The following BLID variants were observed in gnomAD, a reference collection of about 807,000 sequenced individuals.
BLID encodes BH3-like motif-containing cell death inducer.
For synonymous variants in BLID, 47 were observed against 49.6 expected (o/e 0.95, Z 0.22); for missense variants, 136 against 127.9 (o/e 1.06, Z -0.31).
In BLID at chr11:122,115,743, A is replaced by G; in HGVS notation, c.180T>C (p.Pro60=). ...LLGSNKEPML[P]KETVLSLKRY... is the part of the protein sequence containing the mutation. ...TTTTAAGAGAAAGCACTGTTTCCTT[A>G]GGCAACATAGGTTCTTTGTTGGAAC... Residue 60 remains proline (P), a synonymous_variant, in exon 1 of 1, where the codon CCT becomes CCC. Transcript: ENST00000560104. 2 of 1,614,204 alleles carry G rather than the reference A, an allele frequency of 1.2e-6. No homozygotes were observed. Among genetic ancestry groups the G allele is most frequent in the Middle Eastern group, 3.3e-4 (2 of 6,062 alleles).
Position 122,115,421 on chromosome 11 carries a change from A to ATTG in BLID, c.*172_*174dup. 5.5e-6 allele frequency: 3 copies of ATTG among 543,078 alleles called. No individual in the cohort carries two copies. Among genetic ancestry groups the ATTG allele is most frequent in the Non-Finnish European group, 9.8e-6 (3 of 306,810 alleles). 33.6% of individuals were successfully genotyped at this position (543,078 alleles called of 1,614,324 possible). On this transcript the variant is annotated 3_prime_UTR_variant, in exon 1 of 1. Coordinates refer to ENST00000560104, the MANE Select transcript of BLID (RefSeq NM_001001786.3). ...CCAGTTTATCCTTTTTAAAAATTTT[A>ATTG]TTGTTTCTCTGCACAATTTGAACCA...
Position 122,115,350 on chromosome 11 carries a change from A to C in BLID, c.*246T>G, listed in dbSNP as rs552761816. Reference sequence around the variant, plus strand: ...TCACATAGCTTTTTGTTTTTTCATGAATTTGCAAGATTTGTTTTAATTAAA... The same window carrying C: ...TCACATAGCTTTTTGTTTTTTCATGCATTTGCAAGATTTGTTTTAATTAAA... On this transcript the variant is annotated 3_prime_UTR_variant, in exon 1 of 1. Transcript: ENST00000560104. 1.3e-5 allele frequency: 6 copies of C among 450,228 alleles called. No individual in the cohort carries two copies. The highest frequency in any genetic ancestry group is 5.8e-4 in the Middle Eastern group (1 of 1,716). The allele number at this position is 450,228 out of a possible 1,614,324, so 27.9% of individuals were successfully genotyped here.
Position 122,115,687 on chromosome 11 carries a change from C to T in BLID, c.236G>A (p.Arg79Gln), listed in dbSNP as rs559569234. The T allele has an allele frequency of 5.6e-6, 9 of 1,613,886 alleles. No individual in the cohort carries two copies. Among genetic ancestry groups the T allele is most frequent in the Admixed American group, 5.0e-5 (3 of 60,024 alleles). The stretch of plus-strand genomic sequence containing the variant: ...CTGAAGCACATGTCCAGGAACATTC[C>T]GCTTCATGGCAGAGGAGCCAAGATT... ...RYNLGSSAMK[R>Q]NVPGHVLQRP... is the part of the protein sequence containing the mutation. Residue 79 changes from arginine to glutamine, a missense_variant, in exon 1 of 1, where the codon CGG becomes CAG. Transcript: ENST00000560104.
At position 122,116,211 on chromosome 11, in the gene BLID, A is replaced by C; in HGVS notation, c.-289T>G. 2 of 358,950 alleles carry C rather than the reference A, an allele frequency of 5.6e-6. No homozygotes were observed. The highest frequency in any genetic ancestry group is 5.2e-6 in the Non-Finnish European group (1 of 191,980). The allele number at this position is 358,950 out of a possible 1,614,324, so 22.2% of individuals were successfully genotyped here. On this transcript the variant is annotated 5_prime_UTR_variant, in exon 1 of 1. The change abolishes an upstream ATG in the 5' untranslated region. Transcript: ENST00000560104. Reference sequence around the variant, plus strand: ...CTTCTCTCTTTTCTCCAAACACAACATCATCTGACCAAGGTTTGCATGCAT... The same window carrying C: ...CTTCTCTCTTTTCTCCAAACACAACCTCATCTGACCAAGGTTTGCATGCAT...
In BLID at chr11:122,115,838, T is replaced by G. The variant is rs141601060; in HGVS notation, c.85A>C (p.Ile29Leu). 145 of 1,613,698 alleles carry G rather than the reference T, an allele frequency of 9.0e-5. No individual in the cohort carries two copies. In the African/African-American group the frequency reaches 1.7e-3, roughly 19 times the overall value. The change falls in exon 1 of 1, where the codon ATA (isoleucine) becomes CTA (leucine). Residue 29 changes from isoleucine to leucine, a missense_variant. By Grantham distance (5) the Ile-to-Leu change is conservative (BLOSUM62 2). Coordinates refer to ENST00000560104, the MANE Select transcript of BLID (RefSeq NM_001001786.3). ...ESECVLYTGW[I>L]ERASGSSIYP... ...ATGGAACTGCCAGAGGCTCGCTCTATCCATCCTGTGTAGAGCACACACTCA... is the reference window on the plus strand; with the variant it reads ...ATGGAACTGCCAGAGGCTCGCTCTAGCCATCCTGTGTAGAGCACACACTCA...
Position 122,115,344 on chromosome 11 carries a change from T to C in BLID, c.*252A>G. On this transcript the variant is annotated 3_prime_UTR_variant, in exon 1 of 1. Transcript: ENST00000560104. ...TTACCATCACATAGCTTTTTGTTTT[T>C]TCATGAATTTGCAAGATTTGTTTTA... 2.3e-6 allele frequency: 1 copy of C among 443,350 alleles called. No individual in the cohort carries two copies. Among genetic ancestry groups the C allele is most frequent in the Non-Finnish European group, 4.0e-6 (1 of 246,958 alleles). The allele number at this position is 443,350 out of a possible 1,614,324, so 27.5% of individuals were successfully genotyped here.
Position 122,116,014 on chromosome 11 carries a change from G to T in BLID, c.-92C>A. The T allele has an allele frequency of 3.3e-6, 3 of 915,534 alleles. No homozygotes were observed. The highest frequency in any genetic ancestry group is 5.0e-6 in the Non-Finnish European group (3 of 598,264). 56.7% of individuals were successfully genotyped at this position (915,534 alleles called of 1,614,324 possible). A position where few individuals can be genotyped will look rare whatever the true frequency, so the allele number is the denominator to read the frequency against. ...ATAAGGCAGATCTCATATGGACTAT[G>T]CTTTGCATAAGCACGGTGTTAGATG... On this transcript the variant is annotated 5_prime_UTR_variant, in exon 1 of 1. Transcript: ENST00000560104.
rs1941173848 is a variant in BLID at position 122,115,396 on chromosome 11, C to T, written c.*200G>A. ...TTAAATGCCATTTACTTTTAACTAG[C>T]CAGTTTATCCTTTTTAAAAATTTTA... is the stretch of plus-strand genomic sequence containing the variant. On this transcript the variant is annotated 3_prime_UTR_variant, in exon 1 of 1. Coordinates refer to ENST00000560104, the MANE Select transcript of BLID (RefSeq NM_001001786.3). 2.0e-6 allele frequency: 1 copy of T among 512,312 alleles called. No homozygotes were observed. The highest frequency in any genetic ancestry group is 3.4e-6 in the Non-Finnish European group (1 of 289,880). The allele number at this position is 512,312 out of a possible 1,614,324, so 31.7% of individuals were successfully genotyped here.
At position 122,115,980 on chromosome 11, in the gene BLID, C is replaced by T; in HGVS notation, c.-58G>A. ...TTTAACTTCCATTCGCTTTATTCAG[C>T]AAGTTTTTATAAGGCAGATCTCATA... On this transcript the variant is annotated 5_prime_UTR_variant, in exon 1 of 1. Transcript: ENST00000560104. The T allele has an allele frequency of 7.3e-7, 1 of 1,366,428 alleles. No homozygotes were observed. The highest frequency in any genetic ancestry group is 1.0e-6 in the Non-Finnish European group (1 of 989,082). 84.6% of individuals were successfully genotyped at this position (1,366,428 alleles called of 1,614,324 possible).
rs1309940278 is a variant in BLID at position 122,115,611 on chromosome 11, A to G, written c.312T>C (p.Ser104=). 1.2e-6 allele frequency: 2 copies of G among 1,613,268 alleles called. No individual in the cohort carries two copies. The highest frequency in any genetic ancestry group is 1.3e-5 in the African/African-American group (1 of 75,036). Residue 104 remains serine, a synonymous_variant, in exon 1 of 1, where the codon TCT becomes TCC. Transcript: ENST00000560104. ...RIQVTLLCNS[S]AEAL ...CTCACTCCTTTTACAGGGCCTCAGC[A>G]GAGGAATTGCATAACAATGTAACTT... is the stretch of plus-strand genomic sequence containing the variant.
Position 122,115,557 on chromosome 11 carries a change from G to T in BLID, c.*39C>A. 1 of 1,439,384 alleles carries T rather than the reference G, an allele frequency of 6.9e-7. No individual in the cohort carries two copies. The highest frequency in any genetic ancestry group is 9.7e-7 in the Non-Finnish European group (1 of 1,026,930). 89.2% of individuals were successfully genotyped at this position (1,439,384 alleles called of 1,614,324 possible). On this transcript the variant is annotated 3_prime_UTR_variant, in exon 1 of 1. Transcript: ENST00000560104. ...GCAGCCTGAATAATGGGCGAAATCT[G>T]TCCTAATATCTTGCTGCATCTGTCC...
Position 122,115,654 on chromosome 11 carries a change from G to A in BLID, c.269C>T (p.Ser90Phe), listed in dbSNP as rs199726224. 6.2e-6 allele frequency: 10 copies of A among 1,614,010 alleles called. No homozygotes were observed. The highest frequency in any genetic ancestry group is 6.8e-6 in the Non-Finnish European group (8 of 1,179,952). ...TGTAACTTGTATCCTGGTTAAATAG[G>A]AAGGTCTCTGAAGCACATGTCCAGG... ...NVPGHVLQRP[S>F]YLTRIQVTLL... Residue 90 changes from serine to phenylalanine, a missense_variant, in exon 1 of 1, where the codon TCC becomes TTC. Ser to Phe is a radical substitution (Grantham distance 155). Coordinates refer to ENST00000560104, the MANE Select transcript of BLID (RefSeq NM_001001786.3).
At position 122,115,744 on chromosome 11, in the gene BLID, G is replaced by A; in HGVS notation, c.179C>T (p.Pro60Leu). 6.2e-7 allele frequency: 1 copy of A among 1,614,204 alleles called. No individual in the cohort carries two copies. The highest frequency in any genetic ancestry group is 8.5e-7 in the Non-Finnish European group (1 of 1,180,022). The change falls in exon 1 of 1, where the codon CCT becomes CTT. Residue 60 changes from proline to leucine, a missense_variant. Pro to Leu is a moderately conservative substitution (Grantham distance 98). Coordinates refer to ENST00000560104, the MANE Select transcript of BLID (RefSeq NM_001001786.3). Reference sequence around the variant, plus strand: ...TTTAAGAGAAAGCACTGTTTCCTTAGGCAACATAGGTTCTTTGTTGGAACC... The same window carrying A: ...TTTAAGAGAAAGCACTGTTTCCTTAAGCAACATAGGTTCTTTGTTGGAACC... ...LLGSNKEPML[P>L]KETVLSLKRY...
Position 122,115,989 on chromosome 11 carries a change from A to G in BLID, c.-67T>C. The G allele has an allele frequency of 8.1e-7, 1 of 1,231,860 alleles. No individual in the cohort carries two copies. The highest frequency in any genetic ancestry group is 1.1e-6 in the Non-Finnish European group (1 of 870,130). The allele number at this position is 1,231,860 out of a possible 1,614,324, so 76.3% of individuals were successfully genotyped here. On this transcript the variant is annotated 5_prime_UTR_variant, in exon 1 of 1. It removes the in-frame stop codon of an upstream open reading frame in the 5' UTR. Transcript: ENST00000560104. ...CATTCGCTTTATTCAGCAAGTTTTTATAAGGCAGATCTCATATGGACTATG... is the reference window on the plus strand; with the variant it reads ...CATTCGCTTTATTCAGCAAGTTTTTGTAAGGCAGATCTCATATGGACTATG...
Position 122,115,841 on chromosome 11 carries a change from A to G in BLID, c.82T>C (p.Trp28Arg). The change falls in exon 1 of 1, where the codon TGG becomes CGG. Residue 28 changes from tryptophan to arginine, a missense_variant. Trp to Arg is a moderately radical substitution (Grantham distance 101). Transcript: ENST00000560104. ...GAACTGCCAGAGGCTCGCTCTATCC[A>G]TCCTGTGTAGAGCACACACTCAGAT... The part of the protein sequence containing the change: ...LESECVLYTG[W>R]IERASGSSIY... 6.2e-7 allele frequency: 1 copy of G among 1,614,112 alleles called. No individual in the cohort carries two copies.
Position 122,115,731 on chromosome 11 carries a change from C to T in BLID, c.192G>A (p.Val64=), listed in dbSNP as rs1591357782. The part of the protein sequence containing the change: ...NKEPMLPKET[V]LSLKRYNLGS... ...CAAGATTGTACCTTTTAAGAGAAAGCACTGTTTCCTTAGGCAACATAGGTT... is the reference window on the plus strand; with the variant it reads ...CAAGATTGTACCTTTTAAGAGAAAGTACTGTTTCCTTAGGCAACATAGGTT... The change falls in exon 1 of 1, where the codon GTG becomes GTA. Residue 64 remains valine, a synonymous_variant. Transcript: ENST00000560104. The T allele has an allele frequency of 4.3e-6, 7 of 1,614,180 alleles. No individual in the cohort carries two copies. Among genetic ancestry groups the T allele is most frequent in the African/African-American group, 2.7e-5 (2 of 75,054 alleles).
chr11:122,115,547 G>T lies in BLID; in HGVS notation c.*49C>A. ...TCTGTGTTGTGCAGCCTGAATAATG[G>T]GCGAAATCTGTCCTAATATCTTGCT... On this transcript the variant is annotated 3_prime_UTR_variant, in exon 1 of 1. Transcript: ENST00000560104. The T allele has an allele frequency of 7.4e-7, 1 of 1,344,964 alleles. No homozygotes were observed. The highest frequency in any genetic ancestry group is 1.2e-5 in the South Asian group (1 of 80,326). The allele number at this position is 1,344,964 out of a possible 1,614,324, so 83.3% of individuals were successfully genotyped here.
rs771499154 is a variant in BLID, at chr11:122,115,550, G to A, written c.*46C>T. 33 of 1,386,708 alleles carry A rather than the reference G, an allele frequency of 2.4e-5. No individual in the cohort carries two copies. Among genetic ancestry groups the A allele is most frequent in the African/African-American group, 4.3e-5 (3 of 70,094 alleles). 85.9% of individuals were successfully genotyped at this position (1,386,708 alleles called of 1,614,324 possible). On this transcript the variant is annotated 3_prime_UTR_variant, in exon 1 of 1. Transcript: ENST00000560104. ...GTGTTGTGCAGCCTGAATAATGGGC[G>A]AAATCTGTCCTAATATCTTGCTGCA...
Position 122,115,810 on chromosome 11 carries a change from T to C in BLID, c.113A>G (p.Tyr38Cys), listed in dbSNP as rs1254127195. ...WIERASGSSI[Y>C]PEAKARLPLE... The stretch of plus-strand genomic sequence containing the variant: ...TGGCAGGCGTGCTTTTGCCTCTGGA[T>C]AAATGGAACTGCCAGAGGCTCGCTC... Residue 38 changes from tyrosine to cysteine, a missense_variant, in exon 1 of 1, where the codon TAT (tyrosine) becomes TGT (cysteine). Physicochemically the swap from Tyr to Cys is radical, Grantham distance 194. Transcript: ENST00000560104. The C allele has an allele frequency of 5.6e-6, 9 of 1,613,938 alleles. No homozygotes were observed. The highest frequency in any genetic ancestry group is 7.6e-6 in the Non-Finnish European group (9 of 1,179,898).
Sources: gnomAD v4.1 joint callset for allele counts on GRCh38, gnomAD v4.1.1 for gene constraint, MANE v1.5 for transcripts, NCBI Gene and HGNC (gene_info 2026-07-23, HGNC 2026-07-21) for gene names.